Variants in TMEM97 observed in about 807,000 individuals in gnomAD.
TMEM97 encodes the protein transmembrane protein 97.
In TMEM97, 13 loss-of-function variants were observed where a neutral mutation model predicts 18.3. The observed-to-expected ratio is 0.71, with a 90% CI of 0.46 to 1.13. The LOEUF is 1.13. Ranked by LOEUF, TMEM97 falls within the 50% of genes most tolerant of loss-of-function variation. The pLI, the probability that TMEM97 is intolerant of heterozygous loss-of-function variation, is 0.00. For missense variants in TMEM97, 205 were observed against 210.5 expected (o/e 0.97, Z 0.16); for synonymous variants, 76 against 85.3 (o/e 0.89, Z 0.60).
intron 1 of TMEM97, among the ~76,000 whole-genome samples, chr17:28,321,298 T>G (rs1204744298): frequency 6.6e-6 from 1 of 152,230 alleles, no homozygotes; most frequent in Non-Finnish European, 1.5e-5. Context: ...CATTCCAGAC[T>G]TCACAGCTGT....
At chr17:28,324,556 C>T (rs1367045523) in intron 1 of TMEM97, 1 of 152,134 alleles carries the variant, frequency 6.6e-6, no homozygotes, top group Non-Finnish European at 1.5e-5. Flanking sequence ...GTCAGGGCAG[C>T]GCCACATCTA....
At chr17:28,324,047 C>A (rs1041514614) in intron 1 of TMEM97, among the ~76,000 whole-genome samples, 1 of 152,090 alleles carries the variant, frequency 6.6e-6, no homozygotes, top group Non-Finnish European at 1.5e-5. Flanking sequence ...GTAGTGTCAT[C>A]CAGTATTTTT....
Position 28,327,464 on chromosome 17 carries a change from C to T in TMEM97, c.*671C>T, listed in dbSNP as rs1555575718. 6 of 152,510 alleles carry T rather than the reference C, an allele frequency of 3.9e-5. No homozygotes were observed. 9.4% of individuals were successfully genotyped at this position (152,510 alleles called of 1,614,324 possible). On this transcript the variant is annotated 3_prime_UTR_variant, in exon 3 of 3. Transcript: ENST00000226230. The stretch of plus-strand genomic sequence containing the variant: ...GCCTGTTTGACATGTTCATGAGTCA[C>T]CTGACCCACAGCATATATGCTTATG...
intron 1 of TMEM97, among the ~76,000 whole-genome samples, chr17:28,321,546 C>T (rs1329243142): frequency 1.3e-5 from 2 of 152,216 alleles, no homozygotes; most frequent in East Asian, 3.9e-4. Context: ...AGAGATCCTC[C>T]CACCTGTCTC....
rs1345166065 is a variant in TMEM97 at position 28,325,421 on chromosome 17, T to TC, written c.127-80dup. ...GGGTGGCTAATTAATGACAGGCTCC[T>TC]CCAGTGTATTTTCAAATGAGCTAGC... On this transcript the variant is annotated intron_variant, in intron 1 of 2. Transcript: ENST00000226230. The TC allele has an allele frequency of 5.2e-6, 8 of 1,544,684 alleles. No homozygotes were observed. The East Asian group carries it at 1.6e-4, about 31-fold the overall frequency.
intron 2 of TMEM97, 89 bp from the exon 3 acceptor site, chr17:28,326,445 A>G: frequency 6.8e-7 from 1 of 1,477,024 alleles, no homozygotes; most frequent in South Asian, 1.3e-5. Flanking sequence ...AGTAGAAGAA[A>G]GCAGGCAGGC....
At chr17:28,323,355 A>G (rs573210226) in intron 1 of TMEM97, among the ~76,000 whole-genome samples, 68 of 152,220 alleles carry the variant, frequency 4.5e-4, no homozygotes, top group African/African-American at 1.5e-3. Context: ...GCCTCAGTTT[A>G]TGAAATAGTT....
rs1405407605 is a variant in TMEM97 at position 28,326,843 on chromosome 17, G to A, written c.*50G>A. The A allele has an allele frequency of 6.4e-7, 1 of 1,574,706 alleles. No homozygotes were observed. Among genetic ancestry groups the A allele is most frequent in the East Asian group, 2.2e-5 (1 of 44,772 alleles). ...AGAGATGCCTACAGGGTGGTTGCTTGTTGGATACAATACAAGGAACACTGC... is the reference window on the plus strand; with the variant it reads ...AGAGATGCCTACAGGGTGGTTGCTTATTGGATACAATACAAGGAACACTGC... On this transcript the variant is annotated 3_prime_UTR_variant, in exon 3 of 3. Transcript: ENST00000226230.
In TMEM97 at chr17:28,328,536, G is replaced by A. The variant is rs1555575882; in HGVS notation, c.*1743G>A. 5.7e-6 allele frequency: 4 copies of A among 703,112 alleles called. No individual in the cohort carries two copies. Among genetic ancestry groups the A allele is most frequent in the Non-Finnish European group, 1.0e-5 (4 of 400,790 alleles). The allele number at this position is 703,112 out of a possible 1,614,324, so 43.6% of individuals were successfully genotyped here. On this transcript the variant is annotated 3_prime_UTR_variant, in exon 3 of 3. Transcript: ENST00000226230. ...CTTCAGGGGGCTGCATTCCTTACAC[G>A]CCACCTCTTGTGACATAGGTCATTG...
chr17:28,321,800 CTG>C (rs538038865), intron 1 of TMEM97, among the ~76,000 whole-genome samples: 4,646 of 132,064 alleles, frequency 0.035, 81 homozygotes, highest in East Asian at 0.079. Flanking sequence ...TGGCCAGAAC[CTG>C]TGTGTGTGTG....
intron 1 of TMEM97, among the ~76,000 whole-genome samples, chr17:28,323,741 C>G (rs1397567702): frequency 1.3e-5 from 2 of 152,228 alleles, no homozygotes; most frequent in African/African-American, 4.8e-5. Flanking sequence ...GGTGCAGTGG[C>G]TCACACCTGT....
intron 1 of TMEM97, 43 bp downstream of exon 1, chr17:28,319,408 G>GC (rs5819836): frequency 1 from 1,532,534 of 1,532,544 alleles, 766,262 homozygotes; most frequent in Middle Eastern, 1. Flanking sequence ...AGGCTCTCCC[G>GC]GCGCTGCGTC....
chr17:28,325,980 G>T, intron 2 of TMEM97: 1 of 366,814 alleles, frequency 2.7e-6, no homozygotes, highest in Non-Finnish European at 5.0e-6. Context: ...TTATTTCTCT[G>T]CGTTGGATAG....
At chr17:28,324,397 A>G (rs1377740132) in intron 1 of TMEM97, among the ~76,000 whole-genome samples, 1 of 152,190 alleles carries the variant, frequency 6.6e-6, no homozygotes, top group African/African-American at 2.4e-5. Flanking sequence ...TGGGGCTTCT[A>G]TTTCACAATA....
Position 28,325,410 on chromosome 17 carries a change from T to G in TMEM97, c.127-93T>G, listed in dbSNP as rs1906290739. 2.6e-6 allele frequency: 4 copies of G among 1,509,786 alleles called. No homozygotes were observed. The Admixed American group carries it at 8.6e-5, about 32-fold the overall frequency. 93.5% of individuals were successfully genotyped at this position (1,509,786 alleles called of 1,614,324 possible). On this transcript the variant is annotated intron_variant, in intron 1 of 2. Coordinates refer to ENST00000226230, the MANE Select transcript of TMEM97 (RefSeq NM_014573.3). ...GGGGTAGTGGGGGGTGGCTAATTAATGACAGGCTCCTCCAGTGTATTTTCA... is the reference window on the plus strand; with the variant it reads ...GGGGTAGTGGGGGGTGGCTAATTAAGGACAGGCTCCTCCAGTGTATTTTCA...
chr17:28,326,870 C>T lies in TMEM97; in HGVS notation c.*77C>T, dbSNP rs1906373524. 4.7e-6 allele frequency: 7 copies of T among 1,503,068 alleles called. No individual in the cohort carries two copies. In the Admixed American group the frequency reaches 6.2e-5, roughly 13 times the overall value. 93.1% of individuals were successfully genotyped at this position (1,503,068 alleles called of 1,614,324 possible). ...TGGATACAATACAAGGAACACTGCTCAGAACCCACGTCTTCAGCAGCATTT... is the reference window on the plus strand; with the variant it reads ...TGGATACAATACAAGGAACACTGCTTAGAACCCACGTCTTCAGCAGCATTT... On this transcript the variant is annotated 3_prime_UTR_variant, in exon 3 of 3. Coordinates refer to ENST00000226230, the MANE Select transcript of TMEM97 (RefSeq NM_014573.3).
At position 28,327,459 on chromosome 17, in the gene TMEM97, A is replaced by C. The variant is rs1906406898; in HGVS notation, c.*666A>C. 1 of 152,632 alleles carries C rather than the reference A, an allele frequency of 6.6e-6. No homozygotes were observed. Among genetic ancestry groups the C allele is most frequent in the Non-Finnish European group, 1.5e-5 (1 of 68,384 alleles). 9.5% of individuals were successfully genotyped at this position (152,632 alleles called of 1,614,324 possible). A position where few individuals can be genotyped will look rare whatever the true frequency, so the allele number is the denominator to read the frequency against. On this transcript the variant is annotated 3_prime_UTR_variant, in exon 3 of 3. Coordinates refer to ENST00000226230, the MANE Select transcript of TMEM97 (RefSeq NM_014573.3). ...ACATGGCCTGTTTGACATGTTCATG[A>C]GTCACCTGACCCACAGCATATATGC...
intron 1 of TMEM97, among the ~76,000 whole-genome samples, chr17:28,324,445 AAT>A (rs1415755503): frequency 6.6e-6 from 1 of 152,176 alleles, no homozygotes; most frequent in Non-Finnish European, 1.5e-5. Flanking sequence ...TAACAGGAAA[AAT>A]ATTCTTGGAT....
chr17:28,321,812 GT>G (rs1906154294), intron 1 of TMEM97, among the ~76,000 whole-genome samples: 1 of 148,846 alleles, frequency 6.7e-6, no homozygotes, highest in African/African-American at 2.5e-5. Flanking sequence ...GTGTGTGTGT[GT>G]GTGTGTGTGT....
Sources: allele counts gnomAD v4.1 joint callset (sites outside exome capture counted in the v4.1 genomes callset), GRCh38; gene constraint gnomAD v4.1.1; transcripts MANE v1.5; gene names NCBI Gene and HGNC (gene_info 2026-07-23, HGNC 2026-07-21).